The following KIF6 variants were observed in gnomAD, a reference collection of about 807,000 sequenced individuals.
The protein encoded by KIF6 is kinesin-like protein KIF6.
Under a neutral mutation model 112.7 loss-of-function variants are expected in KIF6, and 106 were observed. The observed-to-expected ratio is 0.94, with a 90% CI of 0.80 to 1.11. KIF6 has a LOEUF of 1.11. Among genes scored for constraint, KIF6 ranks in the 50% least tolerant of loss-of-function variants. The pLI is 0.00. For missense variants in KIF6, 929 were observed against 964.0 expected (o/e 0.96, Z 0.48); for synonymous variants, 339 against 339.9 (o/e 1.00, Z 0.03).
At chr6:39,669,641 G>A (rs1237768308) in intron 3 of KIF6, among the ~76,000 whole-genome samples, 2 of 152,262 alleles carry the variant, frequency 1.3e-5, no homozygotes, top group Middle Eastern at 3.4e-3. Flanking sequence ...CTGTCACAAA[G>A]GTACTTAGGC....
chr6:39,571,215 C>T (rs546263425), intron 10 of KIF6, among the ~76,000 whole-genome samples: 2 of 152,240 alleles, frequency 1.3e-5, no homozygotes, highest in East Asian at 3.9e-4. Context: ...ACCATCACTT[C>T]TATTGATTCT....
chr6:39,512,210 G>A (rs1437474148), intron 13 of KIF6, among the ~76,000 whole-genome samples: 1 of 152,230 alleles, frequency 6.6e-6, no homozygotes, highest in East Asian at 1.9e-4. Flanking sequence ...CTGAAGGGTA[G>A]TGGTGATGTT....
chr6:39,378,361 G>A lies in KIF6; in HGVS notation c.1861+7261C>T, dbSNP rs4714248. On this transcript the variant is annotated intron_variant, in intron 16 of 22. Transcript: ENST00000287152. The surrounding 1 kb of genome is among the most constrained non-coding windows in gnomAD (Gnocchi z 5.0). ...AACATACCACATACACACATACCAC[G>A]TGCCACATATACATACAATACATAC... Among the ~76,000 whole-genome samples, 91,313 of 150,822 alleles carry A rather than the reference G, an allele frequency of 0.61. 27,918 individuals carry two copies. Among genetic ancestry groups the A allele is most frequent in the Non-Finnish European group, 0.65 (44,419 of 67,888 alleles).
chr6:39,534,402 C>G (rs984966677), intron 13 of KIF6, among the ~76,000 whole-genome samples: 17 of 147,950 alleles, frequency 1.1e-4, no homozygotes, highest in Non-Finnish European at 1.5e-4. Context: ...GGCTCCAGAA[C>G]TACATGAAGA....
intron 3 of KIF6, among the ~76,000 whole-genome samples, chr6:39,708,453 A>C (rs1418673328): frequency 6.6e-6 from 1 of 152,190 alleles, no homozygotes; most frequent in Non-Finnish European, 1.5e-5. Flanking sequence ...GCTTTCCAAA[A>C]GCCAACCTCA....
At chr6:39,476,110 G>A (rs1198827953) in intron 13 of KIF6, among the ~76,000 whole-genome samples, 4 of 151,778 alleles carry the variant, frequency 2.6e-5, no homozygotes. Flanking sequence ...TAACATCTAG[G>A]TGATGGGTTG....
intron 13 of KIF6, among the ~76,000 whole-genome samples, chr6:39,527,529 A>G (rs1221223143): frequency 1.3e-5 from 2 of 152,124 alleles, no homozygotes; most frequent in Non-Finnish European, 2.9e-5. Context: ...GAAAAAAAAA[A>G]TCCCCTGGCT....
In KIF6 at chr6:39,343,817, TG is replaced by T; in HGVS notation, c.2322-3del. On this transcript the variant is annotated splice_region_variant and splice_polypyrimidine_tract_variant and intron_variant, in intron 21 of 22. Coordinates refer to ENST00000287152, the MANE Select transcript of KIF6 (RefSeq NM_145027.6). The surrounding 1 kb of genome is among the most constrained non-coding windows in gnomAD (Gnocchi z 4.1). The stretch of plus-strand genomic sequence containing the variant: ...GACGACACTGGCCTCTTGGGGATGC[TG>T]GAGGCAACCACGTGTCACATTTTAC... The T allele has an allele frequency of 6.4e-7, 1 of 1,571,668 alleles. No homozygotes were observed. Among genetic ancestry groups the T allele is most frequent in the Non-Finnish European group, 8.7e-7 (1 of 1,152,048 alleles).
chr6:39,578,049 G>A lies in KIF6; in HGVS notation c.1181+7C>T. ...AAAGAAAAAGAAAAAAAAGTCTGCA[G>A]ACTTACTGAAGGAGCTCTGCTTCTG... On this transcript the variant is annotated splice_region_variant and intron_variant, in intron 10 of 22. Coordinates refer to ENST00000287152, the MANE Select transcript of KIF6 (RefSeq NM_145027.6). 1 of 1,595,778 alleles carries A rather than the reference G, an allele frequency of 6.3e-7. No homozygotes were observed. The highest frequency in any genetic ancestry group is 1.1e-5 in the South Asian group (1 of 90,304).
chr6:39,346,086 C>CTCTCTCTCTCTCTCT (rs1326236666), intron 20 of KIF6, among the ~76,000 whole-genome samples: 413 of 26,996 alleles, frequency 0.015, 100 homozygotes, highest in African/African-American at 0.018. Flanking sequence ...CTCTCTCTCT[C>CTCTCTCTCTCTCTCT]CCCCCCCTCT....
intron 13 of KIF6, among the ~76,000 whole-genome samples, chr6:39,481,021 T>C (rs1774762410): frequency 6.6e-6 from 1 of 152,114 alleles, no homozygotes; most frequent in African/African-American, 2.4e-5. Flanking sequence ...TTTGTTTCAT[T>C]TATCTTTTGT....
chr6:39,646,180 T>TAA (rs34006023), intron 3 of KIF6, among the ~76,000 whole-genome samples: 27 of 147,224 alleles, frequency 1.8e-4, no homozygotes, highest in South Asian at 8.5e-4. Context: ...CTCAGAGAGG[T>TAA]AAAAAAAAAG....
chr6:39,412,371 TA>T (rs1769545522), intron 15 of KIF6, among the ~76,000 whole-genome samples: 1 of 152,246 alleles, frequency 6.6e-6, no homozygotes, highest in Admixed American at 6.5e-5. Flanking sequence ...CGTCTCTAGA[TA>T]CCTGAGTCAT....
intron 7 of KIF6, among the ~76,000 whole-genome samples, chr6:39,593,415 G>A (rs1486656092): frequency 1.3e-5 from 2 of 151,704 alleles, no homozygotes; most frequent in Non-Finnish European, 1.5e-5. Flanking sequence ...CTCTTCTACC[G>A]ACCTACTTGC....
At chr6:39,586,129 C>T in intron 8 of KIF6, 132 bp downstream of exon 8, 1 of 790,210 alleles carries the variant, frequency 1.3e-6, no homozygotes, top group Non-Finnish European at 2.1e-6. Context: ...CAGCTGTGAA[C>T]TCTGTAGGGT....
Position 39,336,183 on chromosome 6 carries a change from T to TC in KIF6, c.*348_*349insG, listed in dbSNP as rs1156248696. 1 of 223,408 alleles carries TC rather than the reference T, an allele frequency of 4.5e-6. No homozygotes were observed. Among genetic ancestry groups the TC allele is most frequent in the African/African-American group, 2.3e-5 (1 of 43,962 alleles). The allele number at this position is 223,408 out of a possible 1,614,324, so 13.8% of individuals were successfully genotyped here. ...GTGAGCATCCTCTGACATTATATTT[T>TC]GATGGTGCTATTTCACATTCTCAAA... is the stretch of plus-strand genomic sequence containing the variant. On this transcript the variant is annotated 3_prime_UTR_variant, in exon 23 of 23. Coordinates refer to ENST00000287152, the MANE Select transcript of KIF6 (RefSeq NM_145027.6).
At chr6:39,567,772 T>G (rs541467937) in intron 10 of KIF6, among the ~76,000 whole-genome samples, 2 of 152,132 alleles carry the variant, frequency 1.3e-5, no homozygotes, top group African/African-American at 2.4e-5. Flanking sequence ...CGCGCCTGGC[T>G]AATTTTTTGT....
chr6:39,363,396 AG>A (rs953759675), intron 16 of KIF6, among the ~76,000 whole-genome samples: 4 of 152,192 alleles, frequency 2.6e-5, no homozygotes, highest in African/African-American at 9.7e-5. Context: ...CATGAGGCCC[AG>A]GGGAGGGCTG....
At chr6:39,581,392 G>C (rs984738063) in intron 9 of KIF6, among the ~76,000 whole-genome samples, 7 of 151,840 alleles carry the variant, frequency 4.6e-5, no homozygotes, top group African/African-American at 1.7e-4. Context: ...CCTGACCTCA[G>C]GTGATCCACC....
Sources: allele counts gnomAD v4.1 joint callset (sites outside exome capture counted in the v4.1 genomes callset), GRCh38; gene constraint gnomAD v4.1.1; non-coding constraint Gnocchi (gnomAD v3.1); transcripts MANE v1.5; gene names NCBI Gene and HGNC (gene_info 2026-07-23, HGNC 2026-07-21).